The following ZC3H12C variants were observed in gnomAD, a reference collection of about 807,000 sequenced individuals.
ZC3H12C encodes probable ribonuclease ZC3H12C.
In ZC3H12C, 20 loss-of-function variants were observed where a neutral mutation model predicts 76.3. The ratio of observed to expected loss-of-function variants is 0.26; its 90% CI spans 0.18 to 0.38. The LOEUF is 0.38. Ranked by LOEUF, ZC3H12C falls within the 10% of genes least tolerant of loss-of-function variation. The probability of loss-of-function intolerance (pLI) is 1.00; values close to 1 mark genes in which losing one functional copy is unlikely to be tolerated. For synonymous variants in ZC3H12C, 352 were observed against 399.6 expected (o/e 0.88, Z 1.42); for missense variants, 874 against 1,086.5 (o/e 0.80, Z 2.75).
In ZC3H12C at chr11:110,163,155, A is replaced by T. The variant is rs1862511646; in HGVS notation, c.1149-118A>T. The T allele has an allele frequency of 1.4e-5, 10 of 733,622 alleles. 1 individual carries two copies. The South Asian group carries it at 2.2e-4, about 16-fold the overall frequency. The allele number at this position is 733,622 out of a possible 1,614,324, so 45.4% of individuals were successfully genotyped here. ...TACTCTGTAAACGTGGAATCAAAAC[A>T]CTTGGATTAAAATTGCAAAAAAAAT... On this transcript the variant is annotated intron_variant, in intron 4 of 5. Coordinates refer to ENST00000278590, the MANE Select transcript of ZC3H12C (RefSeq NM_033390.2).
At chr11:110,149,509 A>G (rs546080338) in intron 2 of ZC3H12C, among the ~76,000 whole-genome samples, 21 of 152,392 alleles carry the variant, frequency 1.4e-4, no homozygotes, top group Admixed American at 3.9e-4. Context: ...ATACCAATTT[A>G]CACTCCCACC....
chr11:110,094,094 G>C (rs1861068035), intron 1 of ZC3H12C, among the ~76,000 whole-genome samples: 1 of 152,146 alleles, frequency 6.6e-6, no homozygotes, highest in Non-Finnish European at 1.5e-5. Flanking sequence ...TTGGAGAAAT[G>C]AATCCCGCAT....
chr11:110,100,457 T>TTTTTG (rs1284401886), intron 1 of ZC3H12C, among the ~76,000 whole-genome samples: 3 of 152,218 alleles, frequency 2.0e-5, no homozygotes, highest in South Asian at 2.1e-4. Context: ...TTTGGTTCTT[T>TTTTTG]TTTTGTTTTG....
intron 2 of ZC3H12C, among the ~76,000 whole-genome samples, chr11:110,144,022 T>C (rs1298273350): frequency 6.6e-6 from 1 of 151,316 alleles, no homozygotes; most frequent in Non-Finnish European, 1.5e-5. Context: ...AAGTTTTTAA[T>C]TTAAATAAAA....
chr11:110,111,000 A>T (rs948746968), intron 1 of ZC3H12C, among the ~76,000 whole-genome samples: 1 of 152,192 alleles, frequency 6.6e-6, no homozygotes, highest in Non-Finnish European at 1.5e-5. Flanking sequence ...GCTGGCGTGG[A>T]TGTCTGGGAA....
chr11:110,121,197 A>G (rs892685736), intron 1 of ZC3H12C, among the ~76,000 whole-genome samples: 4 of 152,246 alleles, frequency 2.6e-5, no homozygotes, highest in Non-Finnish European at 5.9e-5. Flanking sequence ...GCTGGAGAAT[A>G]GGTTATGTGA....
intron 1 of ZC3H12C, 79 bp from the exon 2 acceptor site, chr11:110,136,584 A>G: frequency 6.9e-7 from 1 of 1,457,216 alleles, no homozygotes; most frequent in Admixed American, 2.1e-5. Context: ...GTAGTTGAGT[A>G]ATTCTCTTCT....
At position 110,166,401 on chromosome 11, in the gene ZC3H12C, T is replaced by C. The variant is rs957998132; in HGVS notation, c.*664T>C. On this transcript the variant is annotated 3_prime_UTR_variant, in exon 6 of 6. Coordinates refer to ENST00000278590, the MANE Select transcript of ZC3H12C (RefSeq NM_033390.2). ...GCACTTTTCGATGTGTTATTTTTGT[T>C]TGGATTTTTTTTTCTGTTAAGAAAT... 3.3e-5 allele frequency: 5 copies of C among 152,176 alleles called. No homozygotes were observed. Among genetic ancestry groups the C allele is most frequent in the East Asian group, 1.9e-4 (1 of 5,200 alleles). The allele number at this position is 152,176 out of a possible 1,614,324, so 9.4% of individuals were successfully genotyped here. A position where few individuals can be genotyped will look rare whatever the true frequency, so the allele number is the denominator to read the frequency against.
At chr11:110,136,629 T>C in intron 1 of ZC3H12C, 34 bp from the exon 2 acceptor site, 2 of 1,584,548 alleles carry the variant, frequency 1.3e-6, no homozygotes, top group Non-Finnish European at 8.6e-7. Context: ...TAGCCATAAC[T>C]ATGAAATTCT....
rs1377454220 is a variant in ZC3H12C at position 110,167,147 on chromosome 11, TA to T, written c.*1412del. The stretch of plus-strand genomic sequence containing the variant: ...TCCAGGTTTTGAATTGTACTTCACG[TA>T]ACAGATGCATTCAGATCTTTTTCTG... On this transcript the variant is annotated 3_prime_UTR_variant, in exon 6 of 6. Transcript: ENST00000278590. 1 of 152,222 alleles carries T rather than the reference TA, an allele frequency of 6.6e-6. No homozygotes were observed. The highest frequency in any genetic ancestry group is 1.5e-5 in the Non-Finnish European group (1 of 68,022). 9.4% of individuals were successfully genotyped at this position (152,222 alleles called of 1,614,324 possible). A position where few individuals can be genotyped will look rare whatever the true frequency, so the allele number is the denominator to read the frequency against.
chr11:110,164,995 G>A lies in ZC3H12C; in HGVS notation c.1910G>A (p.Ser637Asn). Reference sequence around the variant, plus strand: ...GAAGGGAGCATGAGCTGTGGGAGCAGTGACTCCTACGTGGGTTACAATGAC... The same window carrying A: ...GAAGGGAGCATGAGCTGTGGGAGCAATGACTCCTACGTGGGTTACAATGAC... ...SSEGSMSCGS[S>N]DSYVGYNDRS... Residue 637 changes from serine (S) to asparagine (N), a missense_variant, in exon 6 of 6, where the codon AGT becomes AAT. Physicochemically the swap from Ser to Asn is conservative, Grantham distance 46. This residue lies in a region of ZC3H12C where 395 missense variants were observed against 434.4 expected (regional missense o/e 0.91). Transcript: ENST00000278590. The surrounding 1 kb of genome is among the most constrained non-coding windows in gnomAD (Gnocchi z 5.7). 6.2e-7 allele frequency: 1 copy of A among 1,614,032 alleles called. No individual in the cohort carries two copies. The highest frequency in any genetic ancestry group is 2.2e-5 in the East Asian group (1 of 44,890).
rs548724392 is a variant in ZC3H12C at position 110,161,788 on chromosome 11, T to G, written c.1149-1485T>G. Among the ~76,000 whole-genome samples, 5 of 152,338 alleles carry G rather than the reference T, an allele frequency of 3.3e-5. No homozygotes were observed. The East Asian group carries it at 9.6e-4, about 29-fold the overall frequency. On this transcript the variant is annotated intron_variant, in intron 4 of 5. Transcript: ENST00000278590. Reference sequence around the variant, plus strand: ...TACAATAGAGAAATCAATCAAATTATGATACATCTCCTACTGGAATATTAT... The same window carrying G: ...TACAATAGAGAAATCAATCAAATTAGGATACATCTCCTACTGGAATATTAT...
chr11:110,106,863 A>G (rs1290279587), intron 1 of ZC3H12C, among the ~76,000 whole-genome samples: 4 of 152,232 alleles, frequency 2.6e-5, no homozygotes, highest in Admixed American at 6.5e-5. Flanking sequence ...TAATGACCCA[A>G]TACTATCAGG....
intron 3 of ZC3H12C, among the ~76,000 whole-genome samples, chr11:110,153,281 A>G (rs1053050606): frequency 1.3e-5 from 2 of 152,080 alleles, no homozygotes; most frequent in African/African-American, 4.8e-5. Flanking sequence ...TCCGCCTCCC[A>G]GGTTCAAGCA....
rs760351368 is a variant in ZC3H12C at position 110,093,475 on chromosome 11, G to A, written c.21+43G>A. The A allele has an allele frequency of 5.9e-6, 7 of 1,190,820 alleles. No individual in the cohort carries two copies. The African/African-American group carries it at 1.1e-4, about 19-fold the overall frequency. 73.8% of individuals were successfully genotyped at this position (1,190,820 alleles called of 1,614,324 possible). ...GGGTGGGGGACGCGGACCGCGGCGAGAGTGGTCCTGGGGTAGCCGGTCGTG... is the reference window on the plus strand; with the variant it reads ...GGGTGGGGGACGCGGACCGCGGCGAAAGTGGTCCTGGGGTAGCCGGTCGTG... On this transcript the variant is annotated intron_variant, in intron 1 of 5. Transcript: ENST00000278590.
intron 1 of ZC3H12C, among the ~76,000 whole-genome samples, chr11:110,104,154 G>T (rs533733954): frequency 2.6e-5 from 4 of 151,790 alleles, no homozygotes; most frequent in Non-Finnish European, 5.9e-5. Flanking sequence ...CACAATTTTC[G>T]TGCCTCAACC....
chr11:110,144,008 G>A (rs892238448), intron 2 of ZC3H12C, among the ~76,000 whole-genome samples: 2 of 152,060 alleles, frequency 1.3e-5, no homozygotes, highest in African/African-American at 4.8e-5. Flanking sequence ...CAAACTTACA[G>A]GTCAAGTTTT....
intron 1 of ZC3H12C, among the ~76,000 whole-genome samples, chr11:110,106,387 C>T (rs1469394381): frequency 1.3e-5 from 2 of 152,280 alleles, no homozygotes; most frequent in African/African-American, 2.4e-5. Flanking sequence ...AGCCTATTTA[C>T]GTTCATTTGA....
chr11:110,151,806 A>G (rs1468000375), intron 2 of ZC3H12C, among the ~76,000 whole-genome samples: 11 of 152,018 alleles, frequency 7.2e-5, no homozygotes, highest in Non-Finnish European at 1.3e-4. Context: ...GGAACCATGT[A>G]TTTTCTCTTG....
Sources: allele counts gnomAD v4.1 joint callset (sites outside exome capture counted in the v4.1 genomes callset), GRCh38; gene constraint gnomAD v4.1.1; regional missense constraint gnomAD v4.1.1; non-coding constraint Gnocchi (gnomAD v3.1); transcripts MANE v1.5; gene names NCBI Gene and HGNC (gene_info 2026-07-23, HGNC 2026-07-21).